The following SPOCK3 variants were observed in gnomAD, a reference collection of about 807,000 sequenced individuals.
SPOCK3 encodes testican-3.
SPOCK3 carries 30 observed loss-of-function variants against 56.6 expected under a neutral mutation model. That is an observed-to-expected ratio of 0.53 (90% CI 0.40 to 0.72). The LOEUF is 0.72. Among genes scored for constraint, SPOCK3 ranks in the 30% least tolerant of loss-of-function variants. The probability of loss-of-function intolerance (pLI) is 0.00; values close to 1 mark genes in which losing one functional copy is unlikely to be tolerated. For synonymous variants in SPOCK3, 196 were observed against 183.3 expected, an observed-to-expected ratio of 1.07 and a Z score of -0.56; for missense variants, 527 against 530.0, an observed-to-expected ratio of 0.99 and a Z score of 0.06.
intron 3 of SPOCK3, among the ~76,000 whole-genome samples, chr4:167,055,152 T>A (rs1271165570): frequency 6.6e-6 from 1 of 151,746 alleles, no homozygotes; most frequent in Non-Finnish European, 1.5e-5. Flanking sequence ...CATGCAAACC[T>A]CTTATAAATG....
intron 2 of SPOCK3, among the ~76,000 whole-genome samples, chr4:167,137,379 G>A (rs1763210258): frequency 6.6e-6 from 1 of 151,924 alleles, no homozygotes; most frequent in African/African-American, 2.4e-5. Context: ...TAAAATAGGT[G>A]TGGTTACATT....
At chr4:166,841,122 G>A (rs1180094304) in intron 6 of SPOCK3, among the ~76,000 whole-genome samples, 1 of 151,996 alleles carries the variant, frequency 6.6e-6, no homozygotes, top group East Asian at 1.9e-4. Context: ...TCTTTGAGAG[G>A]AAAGAAGCAA....
chr4:166,797,753 C>G (rs1204203738), intron 6 of SPOCK3, among the ~76,000 whole-genome samples: 2 of 151,966 alleles, frequency 1.3e-5, no homozygotes, highest in Non-Finnish European at 2.9e-5. Flanking sequence ...GTATATTTAA[C>G]ACTATAATCA....
intron 2 of SPOCK3, among the ~76,000 whole-genome samples, chr4:167,211,180 G>A (rs1198695317): frequency 1.3e-5 from 2 of 152,098 alleles, no homozygotes; most frequent in Non-Finnish European, 2.9e-5. Context: ...CTTGCGTGCG[G>A]CCTGTAGCCC....
At chr4:167,073,080 T>C (rs956985130) in intron 2 of SPOCK3, among the ~76,000 whole-genome samples, 1 of 151,730 alleles carries the variant, frequency 6.6e-6, no homozygotes, top group Non-Finnish European at 1.5e-5. Flanking sequence ...GTGCAATAAA[T>C]ATTAATACAT....
chr4:166,793,435 C>T (rs907295325), intron 6 of SPOCK3, among the ~76,000 whole-genome samples: 1 of 152,072 alleles, frequency 6.6e-6, no homozygotes, highest in African/African-American at 2.4e-5. Flanking sequence ...GTAATGATAG[C>T]TGATGAGCTG....
intron 3 of SPOCK3, among the ~76,000 whole-genome samples, chr4:167,027,023 C>G (rs1365854647): frequency 1.3e-5 from 2 of 151,828 alleles, no homozygotes; most frequent in African/African-American, 2.4e-5. Flanking sequence ...ATCCCCAAAT[C>G]TTTTCTTTCA....
At chr4:166,879,534 G>T (rs1271349415) in intron 6 of SPOCK3, among the ~76,000 whole-genome samples, 3 of 152,114 alleles carry the variant, frequency 2.0e-5, no homozygotes, top group African/African-American at 7.2e-5. Context: ...TAAAAAATAT[G>T]TACATATTTT....
At chr4:166,863,370 T>C (rs1021897477) in intron 6 of SPOCK3, among the ~76,000 whole-genome samples, 1 of 152,020 alleles carries the variant, frequency 6.6e-6, no homozygotes, top group African/African-American at 2.4e-5. Context: ...ATAAAGAAAT[T>C]GCATCAACGA....
At chr4:167,124,103 A>C (rs1054268320) in intron 2 of SPOCK3, among the ~76,000 whole-genome samples, 1 of 151,880 alleles carries the variant, frequency 6.6e-6, no homozygotes, top group Non-Finnish European at 1.5e-5. Context: ...TACCACCCCC[A>C]TATATTCCTC....
chr4:167,204,732 A>G (rs1285234378), intron 2 of SPOCK3, among the ~76,000 whole-genome samples: 1 of 151,918 alleles, frequency 6.6e-6, no homozygotes, highest in Non-Finnish European at 1.5e-5. Context: ...TGAGAAAAAA[A>G]TCATCTTCTA....
chr4:167,054,679 A>C (rs1383193521), intron 3 of SPOCK3, among the ~76,000 whole-genome samples: 6 of 152,204 alleles, frequency 3.9e-5, no homozygotes, highest in Non-Finnish European at 8.8e-5. Flanking sequence ...AAAACATTTT[A>C]TTTCCCCAAA....
intron 10 of SPOCK3, among the ~76,000 whole-genome samples, chr4:166,735,553 A>C (rs1297718622): frequency 1.3e-5 from 2 of 152,184 alleles, no homozygotes; most frequent in East Asian, 3.9e-4. Flanking sequence ...GATTATCCTG[A>C]ATTACCCAGG....
intron 3 of SPOCK3, among the ~76,000 whole-genome samples, chr4:167,018,323 G>T (rs1335923248): frequency 6.6e-6 from 1 of 151,986 alleles, no homozygotes; most frequent in African/African-American, 2.4e-5. Context: ...GAAGTGTCCA[G>T]CCTGGTTTAA....
intron 9 of SPOCK3, among the ~76,000 whole-genome samples, chr4:166,738,265 T>C (rs1441557844): frequency 6.6e-6 from 1 of 152,030 alleles, no homozygotes; most frequent in East Asian, 1.9e-4. Context: ...TTGACTGTCC[T>C]TGCATACTTT....
intron 6 of SPOCK3, among the ~76,000 whole-genome samples, chr4:166,807,039 C>T (rs929694572): frequency 3.3e-5 from 5 of 151,708 alleles, no homozygotes; most frequent in East Asian, 3.9e-4. Context: ...AATATTGTAT[C>T]GTATTATAAC....
intron 5 of SPOCK3, among the ~76,000 whole-genome samples, chr4:166,896,313 G>A (rs1220195149): frequency 6.6e-6 from 1 of 152,078 alleles, no homozygotes; most frequent in Non-Finnish European, 1.5e-5. Context: ...CAGTGTGTTT[G>A]TGCCCTGCCC....
At chr4:167,180,373 G>A (rs547736028) in intron 2 of SPOCK3, among the ~76,000 whole-genome samples, 1 of 152,256 alleles carries the variant, frequency 6.6e-6, no homozygotes, top group African/African-American at 2.4e-5. Context: ...CCCAAAAGCA[G>A]CGGCTGTCAT....
intron 6 of SPOCK3, among the ~76,000 whole-genome samples, chr4:166,883,989 A>T (rs1230768046): frequency 1.3e-5 from 2 of 152,216 alleles, no homozygotes; most frequent in African/African-American, 2.4e-5. Flanking sequence ...ACAAAATATT[A>T]TAATGTACAT....
Sources: gnomAD v4.1 joint callset for allele counts (sites outside exome capture counted in the v4.1 genomes callset) on GRCh38, gnomAD v4.1.1 for gene constraint, MANE v1.5 for transcripts, NCBI Gene and HGNC (gene_info 2026-07-23, HGNC 2026-07-21) for gene names.